Variants in EPHA5 observed in about 807,000 individuals in gnomAD.
The protein encoded by EPHA5 is ephrin type-A receptor 5.
In EPHA5, 60 loss-of-function variants were observed where a neutral mutation model predicts 105.0. That is an observed-to-expected ratio of 0.57 (90% CI 0.46 to 0.71). The LOEUF (loss-of-function observed/expected upper bound fraction) is 0.71. Among genes scored for constraint, EPHA5 ranks in the 30% least tolerant of loss-of-function variants. EPHA5 has a pLI of 0.00. For missense variants in EPHA5, 1,218 were observed against 1,274.7 expected (o/e 0.96, Z 0.68); for synonymous variants, 513 against 449.1 (o/e 1.14, Z -1.80).
intron 3 of EPHA5, among the ~76,000 whole-genome samples, chr4:65,587,881 T>C (rs566191068): frequency 6.6e-6 from 1 of 152,288 alleles, no homozygotes; most frequent in South Asian, 2.1e-4. Context: ...CCTGTGTCTT[T>C]CTGGGGTGCC....
chr4:65,644,220 C>A (rs530799787), intron 1 of EPHA5, among the ~76,000 whole-genome samples: 11 of 144,226 alleles, frequency 7.6e-5, no homozygotes, highest in Middle Eastern at 3.5e-3. Flanking sequence ...ACACACACAC[C>A]CCCATGCACA....
intron 8 of EPHA5, among the ~76,000 whole-genome samples, chr4:65,401,879 T>C (rs1156248491): frequency 6.7e-6 from 1 of 148,646 alleles, no homozygotes; most frequent in Middle Eastern, 3.2e-3. Context: ...TTCAGGTATA[T>C]ATAGAATTTG....
chr4:65,339,258 T>G (rs573315071), intron 14 of EPHA5, among the ~76,000 whole-genome samples: 56 of 152,208 alleles, frequency 3.7e-4, no homozygotes, highest in African/African-American at 1.3e-3. Context: ...ATACCTGTTG[T>G]GGGTATGGTT....
At chr4:65,585,119 T>C (rs72642647) in intron 3 of EPHA5, among the ~76,000 whole-genome samples, 9,137 of 118,200 alleles carry the variant, frequency 0.077, 381 homozygotes, top group Admixed American at 0.16. Context: ...TGCATGTGTG[T>C]TTGTGTGTGT....
rs373251008 is a variant in EPHA5, at chr4:65,597,797, A to G, written c.910+3844T>C. Among the ~76,000 whole-genome samples, 50 of 152,330 alleles carry G rather than the reference A, an allele frequency of 3.3e-4. 1 individual carries two copies. The South Asian group carries it at 9.9e-3, about 30-fold the overall frequency. The stretch of plus-strand genomic sequence containing the variant: ...AGAAAGTTAAATGAGAGGAAGTTAT[A>G]TTAAGATGACAGATCACAAATTGCT... On this transcript the variant is annotated intron_variant, in intron 3 of 16. Coordinates refer to ENST00000613740, the MANE Select transcript of EPHA5 (RefSeq NM_001281766.3).
At chr4:65,608,127 C>T (rs57753365) in intron 2 of EPHA5, among the ~76,000 whole-genome samples, 35,242 of 152,034 alleles carry the variant, frequency 0.23, 4,278 homozygotes, top group Non-Finnish European at 0.25. Flanking sequence ...TGCAGCAAAT[C>T]ACCATGGCAC....
At chr4:65,371,691 G>A (rs1443965726) in intron 8 of EPHA5, among the ~76,000 whole-genome samples, 1 of 151,964 alleles carries the variant, frequency 6.6e-6, no homozygotes, top group African/African-American at 2.4e-5. Flanking sequence ...TGACCAATGA[G>A]GAAAGGTAAG....
chr4:65,536,267 A>G (rs1400504431), intron 3 of EPHA5, among the ~76,000 whole-genome samples: 1 of 151,972 alleles, frequency 6.6e-6, no homozygotes, highest in African/African-American at 2.4e-5. Flanking sequence ...TTACTGTGAT[A>G]GGACTTCTTT....
At chr4:65,411,230 C>A (rs1195100196) in intron 7 of EPHA5, among the ~76,000 whole-genome samples, 1 of 146,242 alleles carries the variant, frequency 6.8e-6, no homozygotes, top group Non-Finnish European at 1.5e-5. Context: ...AATAGTTTTT[C>A]TAAAAAAAAA....
chr4:65,395,936 T>C (rs1721185692), intron 8 of EPHA5, among the ~76,000 whole-genome samples: 1 of 152,138 alleles, frequency 6.6e-6, no homozygotes, highest in Non-Finnish European at 1.5e-5. Context: ...ATGCGCTCTA[T>C]GGAGCCAGCA....
At chr4:65,475,804 C>G (rs1325173066) in intron 5 of EPHA5, among the ~76,000 whole-genome samples, 2 of 152,016 alleles carry the variant, frequency 1.3e-5, no homozygotes, top group Non-Finnish European at 2.9e-5. Flanking sequence ...TGTTTGCAAC[C>G]AGATTTGACA....
rs372236932 is a variant in EPHA5 at position 65,538,604 on chromosome 4, C to T, written c.911-43061G>A. Among the ~76,000 whole-genome samples the T allele has an allele frequency of 1.1e-4, 17 of 151,676 alleles. No homozygotes were observed. The South Asian group carries it at 3.5e-3, about 31-fold the overall frequency. On this transcript the variant is annotated intron_variant, in intron 3 of 16. Coordinates refer to ENST00000613740, the MANE Select transcript of EPHA5 (RefSeq NM_001281766.3). ...TTGTAAAGAAAAATAAAAAGATTAACAGATGGAGTCAAGAGCAGAGACAGA... is the reference window on the plus strand; with the variant it reads ...TTGTAAAGAAAAATAAAAAGATTAATAGATGGAGTCAAGAGCAGAGACAGA...
At position 65,420,027 on chromosome 4, in the gene EPHA5, T is replaced by C. The variant is rs778859132; in HGVS notation, c.1527+414A>G. On this transcript the variant is annotated intron_variant, in intron 6 of 16. Transcript: ENST00000613740. ...GAATCTTTAAAAAATGTATGTGATATATGTGTCTCATCTTTTTTCTTATCT... is the reference window on the plus strand; with the variant it reads ...GAATCTTTAAAAAATGTATGTGATACATGTGTCTCATCTTTTTTCTTATCT... 3.9e-5 allele frequency among the ~76,000 whole-genome samples: 6 copies of C among 152,198 alleles called. No individual in the cohort carries two copies. In the South Asian group the frequency reaches 1.0e-3, roughly 26 times the overall value.
At position 65,519,575 on chromosome 4, in the gene EPHA5, G is replaced by A. The variant is rs540365161; in HGVS notation, c.911-24032C>T. On this transcript the variant is annotated intron_variant, in intron 3 of 16. Transcript: ENST00000613740. ...ATAAAGGGTATTCAATTAGGAAAGA[G>A]GAAGTCAAATTGTCCCTGTTTGCAG... Among the ~76,000 whole-genome samples the A allele has an allele frequency of 6.5e-4, 99 of 151,814 alleles. 4 individuals carry two copies. The South Asian group carries it at 0.021, about 32-fold the overall frequency.
intron 2 of EPHA5, among the ~76,000 whole-genome samples, chr4:65,629,757 G>T (rs1160593208): frequency 6.6e-6 from 1 of 152,058 alleles, no homozygotes; most frequent in Non-Finnish European, 1.5e-5. Flanking sequence ...AACATCTACA[G>T]CAATGTGTTT....
intron 2 of EPHA5, among the ~76,000 whole-genome samples, chr4:65,611,156 T>C (rs746908236): frequency 6.6e-6 from 1 of 152,146 alleles, no homozygotes; most frequent in Non-Finnish European, 1.5e-5. Context: ...TATGCACACA[T>C]GGGCACACAC....
At chr4:65,435,989 T>G (rs1395828289) in intron 5 of EPHA5, among the ~76,000 whole-genome samples, 1 of 152,084 alleles carries the variant, frequency 6.6e-6, no homozygotes. Context: ...ACAGTTAAAT[T>G]ACACACTTTT....
At chr4:65,415,466 A>G (rs1046613520) in intron 6 of EPHA5, among the ~76,000 whole-genome samples, 1 of 152,046 alleles carries the variant, frequency 6.6e-6, no homozygotes, top group Non-Finnish European at 1.5e-5. Flanking sequence ...TCTAAAATAT[A>G]CAATCTATAA....
At chr4:65,563,223 A>G (rs1739201157) in intron 3 of EPHA5, among the ~76,000 whole-genome samples, 1 of 152,068 alleles carries the variant, frequency 6.6e-6, no homozygotes, top group Non-Finnish European at 1.5e-5. Flanking sequence ...TCCCTTGTTC[A>G]AAAGTTGCTG....
Sources: gnomAD v4.1 joint callset for allele counts (sites outside exome capture counted in the v4.1 genomes callset) on GRCh38, gnomAD v4.1.1 for gene constraint, MANE v1.5 for transcripts, NCBI Gene and HGNC (gene_info 2026-07-23, HGNC 2026-07-21) for gene names.